The following CNBD1 variants were observed in gnomAD, a reference collection of about 807,000 sequenced individuals.
CNBD1 encodes cyclic nucleotide-binding domain-containing protein 1.
Under a neutral mutation model 54.4 loss-of-function variants are expected in CNBD1, and 71 were observed. That is an observed-to-expected ratio of 1.30 (90% CI 1.08 to 1.59). The LOEUF is 1.59. CNBD1 is among the 40% of genes most tolerant of loss of function. The pLI is 0.00. For missense variants in CNBD1, 659 were observed against 518.0 expected (o/e 1.27, Z -2.64); for synonymous variants, 182 against 170.7 (o/e 1.07, Z -0.51).
chr8:87,349,207 T>G (rs117700404), intron 8 of CNBD1, among the ~76,000 whole-genome samples: 16 of 152,248 alleles, frequency 1.1e-4, no homozygotes, highest in African/African-American at 3.9e-4. Flanking sequence ...GAGGAAAGGG[T>G]ATCCAAACAA....
At chr8:87,352,375 G>A (rs1327408994) in intron 9 of CNBD1, among the ~76,000 whole-genome samples, 1 of 151,298 alleles carries the variant, frequency 6.6e-6, no homozygotes, top group Non-Finnish European at 1.5e-5. Context: ...AGGTACTCAG[G>A]AGGCTGAGGC....
intron 2 of CNBD1, among the ~76,000 whole-genome samples, chr8:87,391,923 G>T (rs747314547): frequency 1.3e-5 from 2 of 151,996 alleles, no homozygotes; most frequent in African/African-American, 2.4e-5. Flanking sequence ...TGAGAAAATT[G>T]CAGATAATTT....
At chr8:87,084,312 G>C (rs916185747) in intron 4 of CNBD1, among the ~76,000 whole-genome samples, 14 of 152,006 alleles carry the variant, frequency 9.2e-5, no homozygotes, top group Non-Finnish European at 7.4e-5. Flanking sequence ...TTTCTGTCTG[G>C]TATTATAATC....
chr8:87,206,686 G>A (rs1244849647), intron 5 of CNBD1, among the ~76,000 whole-genome samples: 1 of 152,150 alleles, frequency 6.6e-6, no homozygotes, highest in Admixed American at 6.5e-5. Flanking sequence ...GTCCCTTCAT[G>A]AAGGATTTAG....
At chr8:87,193,933 TC>T (rs1813661079) in intron 4 of CNBD1, among the ~76,000 whole-genome samples, 1 of 152,010 alleles carries the variant, frequency 6.6e-6, no homozygotes. Context: ...AGTGCAGGGG[TC>T]CCTAACCCTG....
At chr8:87,309,002 T>A (rs1011890844) in intron 8 of CNBD1, among the ~76,000 whole-genome samples, 1 of 152,164 alleles carries the variant, frequency 6.6e-6, no homozygotes, top group African/African-American at 2.4e-5. Flanking sequence ...TGATGGACAT[T>A]TACATAGATT....
intron 6 of CNBD1, among the ~76,000 whole-genome samples, chr8:87,248,600 G>A (rs1279676524): frequency 1.3e-5 from 2 of 152,226 alleles, no homozygotes; most frequent in African/African-American, 4.8e-5. Flanking sequence ...TCGTTGGATA[G>A]CCTGTTGCCA....
intron 3 of CNBD1, among the ~76,000 whole-genome samples, chr8:86,930,705 T>C (rs964016066): frequency 2.0e-5 from 3 of 152,230 alleles, no homozygotes; most frequent in African/African-American, 7.2e-5. Context: ...TACTCCCTCA[T>C]TGATGAGTCT....
chr8:86,869,741 A>T (rs117738332), intron 1 of CNBD1, among the ~76,000 whole-genome samples: 156 of 152,326 alleles, frequency 1.0e-3, no homozygotes, highest in Middle Eastern at 6.8e-3. Flanking sequence ...CAAACTGTAC[A>T]GTTTTACCAC....
intron 4 of CNBD1, among the ~76,000 whole-genome samples, chr8:86,984,946 T>G (rs2130515916): frequency 6.6e-6 from 1 of 152,060 alleles, no homozygotes; most frequent in South Asian, 2.1e-4. Flanking sequence ...GGACATGAGA[T>G]TTGGGAGGGG....
At chr8:87,290,174 A>G (rs1183643078) in intron 8 of CNBD1, among the ~76,000 whole-genome samples, 4 of 151,972 alleles carry the variant, frequency 2.6e-5, no homozygotes, top group Non-Finnish European at 5.9e-5. Flanking sequence ...ATTATTATAC[A>G]TATTGCATCT....
intron 3 of CNBD1, among the ~76,000 whole-genome samples, chr8:86,921,523 C>T (rs922585084): frequency 4.6e-5 from 7 of 152,154 alleles, no homozygotes; most frequent in Non-Finnish European, 1.0e-4. Flanking sequence ...TTCATTGACT[C>T]ACAGTTCCAC....
intron 4 of CNBD1, among the ~76,000 whole-genome samples, chr8:87,135,766 T>C (rs1446959822): frequency 6.6e-6 from 1 of 151,088 alleles, no homozygotes; most frequent in Non-Finnish European, 1.5e-5. Flanking sequence ...ATAATATATA[T>C]GCAATTTAAA....
chr8:87,175,158 G>A (rs773122650), intron 4 of CNBD1, among the ~76,000 whole-genome samples: 3 of 152,136 alleles, frequency 2.0e-5, no homozygotes, highest in Non-Finnish European at 4.4e-5. Flanking sequence ...TCGCTTCAGG[G>A]TGTTGAGTTT....
At chr8:87,391,600 A>G (rs1186074655) in intron 2 of CNBD1, among the ~76,000 whole-genome samples, 1 of 152,066 alleles carries the variant, frequency 6.6e-6, no homozygotes, top group Non-Finnish European at 1.5e-5. Context: ...ATAGGGGAAG[A>G]ATAATCTTTT....
chr8:87,415,307 TATTAA>T (rs1301783434), intron 2 of CNBD1, among the ~76,000 whole-genome samples: 1 of 151,710 alleles, frequency 6.6e-6, no homozygotes, highest in African/African-American at 2.4e-5. Context: ...GAATTTGTAT[TATTAA>T]GAGTCCTAAG....
rs112392391 is a variant in CNBD1 at position 87,071,897 on chromosome 8, A to G, written c.431+132143A>G. Reference sequence around the variant, plus strand: ...TTTCTGTCTCAATGATCTGTCTAATATTGTCAGTGGGGTATTAAAATCTCC... The same window carrying G: ...TTTCTGTCTCAATGATCTGTCTAATGTTGTCAGTGGGGTATTAAAATCTCC... On this transcript the variant is annotated intron_variant, in intron 4 of 10. Coordinates refer to ENST00000518476, the MANE Select transcript of CNBD1 (RefSeq NM_173538.3). 2.5e-3 allele frequency among the ~76,000 whole-genome samples: 376 copies of G among 152,108 alleles called. 4 individuals carry two copies. Among genetic ancestry groups the G allele is most frequent in the African/African-American group, 8.5e-3 (354 of 41,508 alleles).
chr8:87,202,214 C>A (rs966139035), intron 4 of CNBD1, among the ~76,000 whole-genome samples: 1 of 151,992 alleles, frequency 6.6e-6, no homozygotes, highest in African/African-American at 2.4e-5. Context: ...AATATGTTAA[C>A]ACAGTAACTG....
At chr8:87,208,377 A>C (rs181937171) in intron 5 of CNBD1, among the ~76,000 whole-genome samples, 55 of 152,022 alleles carry the variant, frequency 3.6e-4, no homozygotes, top group Non-Finnish European at 5.9e-4. Context: ...ACAAAAAATG[A>C]TTACTATATT....
Sources: gnomAD v4.1 joint callset for allele counts (sites outside exome capture counted in the v4.1 genomes callset) on GRCh38, gnomAD v4.1.1 for gene constraint, MANE v1.5 for transcripts, NCBI Gene and HGNC (gene_info 2026-07-23, HGNC 2026-07-21) for gene names.